RPS6KB1: variants seen among roughly 807,000 people sequenced by gnomAD.
The protein encoded by RPS6KB1 is ribosomal protein S6 kinase B1.
A neutral mutation model predicts 70.2 loss-of-function variants in RPS6KB1; 12 were observed. The observed-to-expected ratio is 0.17, with a 90% CI of 0.11 to 0.28. The LOEUF (loss-of-function observed/expected upper bound fraction) is 0.28, where lower values mean the gene tolerates loss of function less well. Among genes scored for constraint, RPS6KB1 ranks in the 10% least tolerant of loss-of-function variants. RPS6KB1 has a pLI of 1.00. For synonymous variants in RPS6KB1, 175 were observed against 211.2 expected, an observed-to-expected ratio of 0.83 and a Z score of 1.49; for missense variants, 270 against 646.6, an observed-to-expected ratio of 0.42 and a Z score of 6.32.
rs11427947 is a variant in RPS6KB1, at chr17:59,893,938, CT to C, written c.141+625del. 0.052 allele frequency: 37,851 copies of C among 732,764 alleles called. No individual in the cohort carries two copies. Among genetic ancestry groups the C allele is most frequent in the South Asian group, 0.065 (981 of 15,158 alleles). The allele number at this position is 732,764 out of a possible 1,614,324, so 45.4% of individuals were successfully genotyped here. On this transcript the variant is annotated intron_variant, in intron 1 of 14. Transcript: ENST00000225577. This position sits in a 1 kb window ranked among gnomAD's most constrained non-coding sequence, Gnocchi z 4.1. ...CAATCTTCCAGGGTTTGTTTGTTTGCTTTTTTTTTTTTACCCCCTTCCGTGT... is the reference window on the plus strand; with the variant it reads ...CAATCTTCCAGGGTTTGTTTGTTTGCTTTTTTTTTTTACCCCCTTCCGTGT...
At chr17:59,931,788 G>A in intron 7 of RPS6KB1, 66 bp downstream of exon 7, 1 of 1,154,200 alleles carries the variant, frequency 8.7e-7, no homozygotes. Flanking sequence ...CATAGGTCGT[G>A]GCCATTTTCA....
At chr17:59,913,024 A>G (rs2042738670) in intron 3 of RPS6KB1, among the ~76,000 whole-genome samples, 1 of 152,198 alleles carries the variant, frequency 6.6e-6, no homozygotes, top group South Asian at 2.1e-4. Context: ...GTACTCAGTC[A>G]AGGTTCATAG....
Position 59,946,417 on chromosome 17 carries a change from G to C in RPS6KB1, c.1341-134G>C. 1.3e-6 allele frequency: 1 copy of C among 751,234 alleles called. No individual in the cohort carries two copies. The highest frequency in any genetic ancestry group is 2.2e-6 in the Non-Finnish European group (1 of 447,642). 46.5% of individuals were successfully genotyped at this position (751,234 alleles called of 1,614,324 possible). ...GAGAGATGGTTCAATTTTTGCCTTT[G>C]TGCTAATCCACGTGAAAATAAAATT... On this transcript the variant is annotated intron_variant, in intron 14 of 14. Transcript: ENST00000225577. The surrounding 1 kb of genome is among the most constrained non-coding windows in gnomAD (Gnocchi z 4.2).
intron 1 of RPS6KB1, among the ~76,000 whole-genome samples, chr17:59,902,012 T>TAAAAA (rs759292909): frequency 1.9e-5 from 1 of 53,054 alleles, no homozygotes; most frequent in Non-Finnish European, 3.8e-5. Flanking sequence ...AACCTGTCTC[T>TAAAAA]AAAAAAAAAA....
chr17:59,920,119 G>A (rs2043184928), intron 4 of RPS6KB1, among the ~76,000 whole-genome samples: 1 of 151,146 alleles, frequency 6.6e-6, no homozygotes, highest in Admixed American at 6.6e-5. Flanking sequence ...CTGGGTTCAA[G>A]TGATTCTTCT....
intron 13 of RPS6KB1, among the ~76,000 whole-genome samples, chr17:59,941,952 G>A (rs1169778058): frequency 1.3e-5 from 2 of 150,896 alleles, no homozygotes; most frequent in African/African-American, 2.4e-5. Context: ...TCCACCTCCC[G>A]GGTTCACACC....
rs1458799803 is a variant in RPS6KB1, at chr17:59,895,002, TTTTC to T, written c.141+1687_141+1690del. 8.8e-5 allele frequency among the ~76,000 whole-genome samples: 13 copies of T among 148,388 alleles called. No homozygotes were observed. The East Asian group carries it at 2.3e-3, about 26-fold the overall frequency. The stretch of plus-strand genomic sequence containing the variant: ...GTGCTTTTTCTTTTCTTTTCTTTTC[TTTTC>T]TTTCTTTCTGGTTTTTTTGTTTTGT... On this transcript the variant is annotated intron_variant, in intron 1 of 14. Coordinates refer to ENST00000225577, the MANE Select transcript of RPS6KB1 (RefSeq NM_003161.4).
In RPS6KB1 at chr17:59,934,344, C is replaced by T. The variant is rs2044114723; in HGVS notation, c.779+84C>T. The T allele has an allele frequency of 1.4e-6, 2 of 1,443,326 alleles. No individual in the cohort carries two copies. The highest frequency in any genetic ancestry group is 2.3e-5 in the South Asian group (2 of 87,234). 89.4% of individuals were successfully genotyped at this position (1,443,326 alleles called of 1,614,324 possible). On this transcript the variant is annotated intron_variant, in intron 8 of 14. Coordinates refer to ENST00000225577, the MANE Select transcript of RPS6KB1 (RefSeq NM_003161.4). This position sits in a 1 kb window ranked among gnomAD's most constrained non-coding sequence, Gnocchi z 4.8. ...AGGAATAGTATCTGTTTTCTGTACC[C>T]TCATTGACTCTGTATATTGTTTTTA...
At chr17:59,903,643 GCAC>G (rs1173904304) in intron 1 of RPS6KB1, among the ~76,000 whole-genome samples, 1 of 152,092 alleles carries the variant, frequency 6.6e-6, no homozygotes, top group Non-Finnish European at 1.5e-5. Context: ...CAACACGGTT[GCAC>G]CATTTTACAT....
Position 59,913,009 on chromosome 17 carries a change from A to G in RPS6KB1, c.312+205A>G, listed in dbSNP as rs1455179574. Reference sequence around the variant, plus strand: ...CCACACATGTAAAAGCCTGGCACATAATAGGTACTCAGTCAAGGTTCATAG... The same window carrying G: ...CCACACATGTAAAAGCCTGGCACATGATAGGTACTCAGTCAAGGTTCATAG... On this transcript the variant is annotated intron_variant, in intron 3 of 14. Coordinates refer to ENST00000225577, the MANE Select transcript of RPS6KB1 (RefSeq NM_003161.4). Among the ~76,000 whole-genome samples, 7 of 152,180 alleles carry G rather than the reference A, an allele frequency of 4.6e-5. No homozygotes were observed. In the South Asian group the frequency reaches 8.3e-4, roughly 18 times the overall value.
chr17:59,922,720 A>G (rs1209698902), intron 4 of RPS6KB1, among the ~76,000 whole-genome samples: 18 of 150,216 alleles, frequency 1.2e-4, no homozygotes. Flanking sequence ...AATTTTTTGT[A>G]TTTTTAGTAG....
intron 1 of RPS6KB1, among the ~76,000 whole-genome samples, chr17:59,895,979 C>A (rs1442323393): frequency 6.6e-6 from 1 of 152,106 alleles, no homozygotes; most frequent in African/African-American, 2.4e-5. Flanking sequence ...TCCAATTAGC[C>A]TCTTAATCGA....
At chr17:59,914,768 G>A in intron 4 of RPS6KB1, 65 bp downstream of exon 4, 1 of 1,189,708 alleles carries the variant, frequency 8.4e-7, no homozygotes. Context: ...TCAGCCAAAA[G>A]GCTGGGAAGC....
chr17:59,898,184 A>G (rs1292732861), intron 1 of RPS6KB1, among the ~76,000 whole-genome samples: 1 of 152,124 alleles, frequency 6.6e-6, no homozygotes, highest in African/African-American at 2.4e-5. Flanking sequence ...TCTCTATAGC[A>G]TTAAGAGTAG....
intron 4 of RPS6KB1, among the ~76,000 whole-genome samples, chr17:59,916,649 G>A (rs1478215094): frequency 6.6e-6 from 1 of 152,142 alleles, no homozygotes; most frequent in Non-Finnish European, 1.5e-5. Context: ...ATCTGGAGTG[G>A]TAGCTCTTTA....
intron 6 of RPS6KB1, chr17:59,930,989 G>A (rs1331591169): frequency 6.5e-6 from 1 of 152,910 alleles, no homozygotes; most frequent in Non-Finnish European, 1.5e-5. Context: ...TATGCAGCCA[G>A]TATTGCAGTG....
At chr17:59,928,369 GTTTTCTTTC>G (rs972523005) in intron 5 of RPS6KB1, among the ~76,000 whole-genome samples, 2 of 148,662 alleles carry the variant, frequency 1.3e-5, no homozygotes, top group African/African-American at 4.9e-5. Context: ...TTCAGTGTAT[GTTTTCTTTC>G]TTTTCTTTTC....
intron 3 of RPS6KB1, 132 bp downstream of exon 3, chr17:59,912,936 A>G: frequency 5.3e-6 from 5 of 948,736 alleles, no homozygotes; most frequent in Non-Finnish European, 8.0e-6. Flanking sequence ...CTTAGCTGGT[A>G]TGTTTGAGGG....
Position 59,934,224 on chromosome 17 carries a change from C to A in RPS6KB1, c.743C>A (p.Thr248Lys). 1.2e-6 allele frequency: 2 copies of A among 1,611,752 alleles called. No homozygotes were observed. The highest frequency in any genetic ancestry group is 1.7e-6 in the Non-Finnish European group (2 of 1,177,934). The stretch of plus-strand genomic sequence containing the variant: ...TGCAAAGAATCTATTCATGATGGAA[C>A]AGTCACACACACATTTTGTGGAACA... ...GLCKESIHDG[T>K]VTHTFCGTIE... Residue 248 changes from threonine (T) to lysine (K), a missense_variant, in exon 8 of 15, where the codon ACA (threonine) becomes AAA (lysine). By Grantham distance (78) the Thr-to-Lys change is moderately conservative (BLOSUM62 -1). Transcript: ENST00000225577. The surrounding 1 kb of genome is among the most constrained non-coding windows in gnomAD (Gnocchi z 4.8).
Sources: allele counts gnomAD v4.1 joint callset (sites outside exome capture counted in the v4.1 genomes callset), GRCh38; gene constraint gnomAD v4.1.1; non-coding constraint Gnocchi (gnomAD v3.1); transcripts MANE v1.5; gene names NCBI Gene and HGNC (gene_info 2026-07-23, HGNC 2026-07-21).